The following PHF8 variants were observed in gnomAD, a reference collection of about 807,000 sequenced individuals.
The protein encoded by PHF8 is PHD finger protein 8, also known as histone lysine demethylase PHF8.
A neutral mutation model predicts 74.4 loss-of-function variants in PHF8; 9 were observed. That is an observed-to-expected ratio of 0.12 (90% confidence interval 0.07 to 0.21). The LOEUF (loss-of-function observed/expected upper bound fraction) is 0.21, where lower values mean the gene tolerates loss of function less well. PHF8 is among the 10% of genes least tolerant of loss of function. The pLI, the probability that PHF8 is intolerant of heterozygous loss-of-function variation, is 1.00. For synonymous variants in PHF8, 311 were observed against 316.6 expected (o/e 0.98, Z 0.19); for missense variants, 478 against 816.6 (o/e 0.59, Z 5.05).
At chrX:53,987,993 G>A (rs1017524483) in intron 14 of PHF8, 49 bp from the exon 15 acceptor site, 6 of 967,466 alleles carry the variant, frequency 6.2e-6, no homozygotes, top group South Asian at 3.9e-5. Context: ...ATTGTTAGTC[G>A]CTAGCAAGAT....
At chrX:53,993,031 G>C (rs2065691686) in intron 13 of PHF8, 192 bp from the exon 14 acceptor site, 3 of 444,345 alleles carry the variant, frequency 6.8e-6, no homozygotes, top group South Asian at 3.2e-5. Flanking sequence ...TGGTTCAGGG[G>C]ACACCTGTCA....
chrX:53,978,014 C>T (rs1270441595), intron 18 of PHF8, among the ~76,000 whole-genome samples: 3 of 102,892 alleles, frequency 2.9e-5, no homozygotes, highest in African/African-American at 7.2e-5. Context: ...GATGCAATCT[C>T]GGTTCACTGC....
In PHF8 at chrX:54,044,180, G is replaced by A. The variant is rs1018992733; in HGVS notation, c.-511C>T. On this transcript the variant is annotated 5_prime_UTR_variant, in exon 1 of 22. Transcript: ENST00000338154. ...GGGCCTAGTCTGGCGGCCGCCCGGC[G>A]AACGGGCAAGTGGCGTCGTCGCTGG... 61 of 755,011 alleles carry A rather than the reference G, an allele frequency of 8.1e-5. No individual in the cohort carries two copies. The highest frequency in any genetic ancestry group is 9.5e-5 in the Non-Finnish European group (61 of 639,456). The allele number at this position is 755,011 out of a possible 1,213,427, so 62.2% of individuals were successfully genotyped here. A position where few individuals can be genotyped will look rare whatever the true frequency, so the allele number is the denominator to read the frequency against.
At chrX:53,999,212 C>T (rs1242735017) in intron 11 of PHF8, among the ~76,000 whole-genome samples, 2 of 111,757 alleles carry the variant, frequency 1.8e-5, no homozygotes, top group East Asian at 5.6e-4. Context: ...GCAAGACCAA[C>T]CCCTCTCCTT....
rs781849217 is a variant in PHF8, at chrX:53,981,074, C to T, written c.2443+3840G>A. ...CTAAAAACACAAAAAATTAGCCAGG[C>T]GTGGTGGCGTGTGCCTGTAATCCCA... On this transcript the variant is annotated intron_variant, in intron 18 of 21. Transcript: ENST00000338154. Among the ~76,000 whole-genome samples the T allele has an allele frequency of 5.4e-5, 6 of 112,053 alleles. No individual in the cohort carries two copies. In the South Asian group the frequency reaches 1.5e-3, roughly 28 times the overall value.
intron 19 of PHF8, among the ~76,000 whole-genome samples, chrX:53,960,478 G>A (rs1448565496): frequency 9.1e-6 from 1 of 109,479 alleles, no homozygotes; most frequent in Non-Finnish European, 1.9e-5. Context: ...GGCCAGGCGT[G>A]GTGGCTCATA....
At chrX:54,004,073 C>T (rs1209713936) in intron 8 of PHF8, among the ~76,000 whole-genome samples, 2 of 111,954 alleles carry the variant, frequency 1.8e-5, no homozygotes, top group African/African-American at 3.2e-5. Context: ...TAGCACTTAG[C>T]CCAATACCAG....
chrX:53,942,914 A>G (rs7883019), intron 20 of PHF8: 77,054 of 750,449 alleles, frequency 0.1, 3,222 homozygotes, highest in African/African-American at 0.25. Context: ...GGTCAGGGAG[A>G]TGACTAGAGA....
intron 2 of PHF8, among the ~76,000 whole-genome samples, chrX:54,030,898 T>C (rs943202132): frequency 3.6e-5 from 4 of 112,110 alleles, no homozygotes; most frequent in Admixed American, 2.9e-4. Context: ...ATGGAAGTAC[T>C]AATAGTACCC....
chrX:54,015,075 C>T (rs985164317), intron 6 of PHF8, among the ~76,000 whole-genome samples: 4 of 111,788 alleles, frequency 3.6e-5, no homozygotes, highest in Admixed American at 1.9e-4. Context: ...CTCTATAGTC[C>T]ATTTCCACCA....
intron 20 of PHF8, chrX:53,943,369 C>T: frequency 1.1e-6 from 1 of 895,260 alleles, no homozygotes; most frequent in Non-Finnish European, 1.6e-6. Flanking sequence ...CTGTATTATC[C>T]TGAGTCAGTT....
intron 6 of PHF8, among the ~76,000 whole-genome samples, chrX:54,016,158 C>G (rs1569528687): frequency 9.0e-6 from 1 of 111,463 alleles, no homozygotes; most frequent in Non-Finnish European, 1.9e-5. Context: ...AAAATATAAC[C>G]CAGCTCGCCA....
intron 18 of PHF8, among the ~76,000 whole-genome samples, chrX:53,973,347 C>T (rs782364994): frequency 9.9e-5 from 11 of 111,542 alleles, no homozygotes; most frequent in East Asian, 2.8e-4. Flanking sequence ...CAGGACAATC[C>T]GAAGCAAAAA....
At chrX:54,045,990 A>G (rs1487378929), upstream of PHF8, among the ~76,000 whole-genome samples, 1 of 30,211 alleles carries the variant, frequency 3.3e-5, no homozygotes, top group Non-Finnish European at 1.0e-4. Flanking sequence ...ACAAGGTCTC[A>G]CTCTGTCAAC....
At chrX:53,966,937 G>A (rs1489554490) in intron 18 of PHF8, among the ~76,000 whole-genome samples, 2 of 107,534 alleles carry the variant, frequency 1.9e-5, no homozygotes, top group Non-Finnish European at 3.9e-5. Flanking sequence ...CCGTCTGGGA[G>A]GTGAGGAGCG....
intron 2 of PHF8, among the ~76,000 whole-genome samples, chrX:54,029,156 C>T (rs898075675): frequency 1.1e-4 from 12 of 111,761 alleles, no homozygotes; most frequent in Non-Finnish European, 1.1e-4. Flanking sequence ...ACTGCCCCTG[C>T]GCTAGTTCAG....
chrX:54,007,875 A>G (rs890603126), intron 8 of PHF8, among the ~76,000 whole-genome samples: 1 of 112,175 alleles, frequency 8.9e-6, no homozygotes, highest in South Asian at 3.7e-4. Context: ...ACAGAGTTAC[A>G]TATGACTCAG....
chrX:53,983,475 T>C (rs782170812), intron 18 of PHF8, among the ~76,000 whole-genome samples: 68 of 111,532 alleles, frequency 6.1e-4, no homozygotes, highest in African/African-American at 2.2e-3. Flanking sequence ...TGCCATAAGG[T>C]TGGCAAAAAT....
At chrX:54,017,175 C>T (rs1218463141) in intron 5 of PHF8, among the ~76,000 whole-genome samples, 6 of 113,060 alleles carry the variant, frequency 5.3e-5, no homozygotes, top group East Asian at 2.8e-4. Flanking sequence ...AGGGGCTGGG[C>T]GTGGTGGCTC....
Sources: allele counts gnomAD v4.1 joint callset (sites outside exome capture counted in the v4.1 genomes callset), GRCh38; gene constraint gnomAD v4.1.1; transcripts MANE v1.5; gene names NCBI Gene and HGNC (gene_info 2026-07-23, HGNC 2026-07-21).